Variants in KHDRBS2 observed in about 807,000 individuals in gnomAD.
KHDRBS2 encodes the protein KH domain-containing, RNA-binding, signal transduction-associated protein 2.
Under a neutral mutation model 44.3 loss-of-function variants are expected in KHDRBS2, and 26 were observed. That is an observed-to-expected ratio of 0.59 (90% CI 0.43 to 0.81). The LOEUF (loss-of-function observed/expected upper bound fraction) is 0.81. Ranked by LOEUF, KHDRBS2 falls within the 40% of genes least tolerant of loss-of-function variation. The pLI is 0.00. For missense variants in KHDRBS2, 476 were observed against 433.1 expected, an observed-to-expected ratio of 1.10 and a Z score of -0.88; for synonymous variants, 194 against 151.1, an observed-to-expected ratio of 1.28 and a Z score of -2.08.
At chr6:61,981,735 A>C (rs1419405026) in intron 3 of KHDRBS2, among the ~76,000 whole-genome samples, 5 of 152,202 alleles carry the variant, frequency 3.3e-5, no homozygotes, top group African/African-American at 1.2e-4. Flanking sequence ...CTAAGGATTC[A>C]TGTTCTCTCA....
At chr6:61,705,372 T>TA (rs1322346254) in intron 7 of KHDRBS2, among the ~76,000 whole-genome samples, 2 of 151,730 alleles carry the variant, frequency 1.3e-5, no homozygotes, top group African/African-American at 2.4e-5. Context: ...AAAATAACCA[T>TA]AAAAAATATA....
intron 4 of KHDRBS2, among the ~76,000 whole-genome samples, chr6:61,941,201 G>A (rs1199991379): frequency 6.6e-6 from 1 of 152,170 alleles, no homozygotes; most frequent in African/African-American, 2.4e-5. Context: ...AGGGGGACCT[G>A]AGGTTGGGCA....
At chr6:62,161,853 C>T (rs971381765) in intron 2 of KHDRBS2, among the ~76,000 whole-genome samples, 1 of 151,956 alleles carries the variant, frequency 6.6e-6, no homozygotes, top group Non-Finnish European at 1.5e-5. Flanking sequence ...AATTATAACA[C>T]TCTAATTTGA....
the KHDRBS2 span, among the ~76,000 whole-genome samples, chr6:61,636,906 T>C: frequency 6.6e-6 from 1 of 152,044 alleles, no homozygotes; most frequent in Non-Finnish European, 1.5e-5. Context: ...GGTATATGCA[T>C]GGGCACTCAA....
intron 8 of KHDRBS2, among the ~76,000 whole-genome samples, chr6:61,691,998 C>G (rs1767430999): frequency 6.6e-6 from 1 of 152,102 alleles, no homozygotes; most frequent in Non-Finnish European, 1.5e-5. Context: ...ATAATTAACT[C>G]TTTAGCTCAT....
chr6:61,571,853 C>A, the KHDRBS2 span, among the ~76,000 whole-genome samples: 1 of 151,984 alleles, frequency 6.6e-6, no homozygotes, highest in Non-Finnish European at 1.5e-5. Flanking sequence ...ATATTACATT[C>A]TTACATCAAA....
intron 2 of KHDRBS2, among the ~76,000 whole-genome samples, chr6:62,074,077 C>T (rs1795852913): frequency 6.6e-6 from 1 of 151,742 alleles, no homozygotes. Context: ...CATTTAGGAG[C>T]CATCAGAGCA....
chr6:61,966,058 T>C (rs1322710909), intron 4 of KHDRBS2, among the ~76,000 whole-genome samples: 1 of 152,030 alleles, frequency 6.6e-6, no homozygotes, highest in Non-Finnish European at 1.5e-5. Context: ...CCAACTGTTA[T>C]GATTGATATC....
chr6:62,264,522 T>G (rs1357916337), intron 1 of KHDRBS2, among the ~76,000 whole-genome samples: 1 of 151,782 alleles, frequency 6.6e-6, no homozygotes, highest in Non-Finnish European at 1.5e-5. Context: ...AGAGCATGGG[T>G]TGGCTATTTT....
chr6:62,136,443 C>T (rs1204540), intron 2 of KHDRBS2, among the ~76,000 whole-genome samples: 26,228 of 152,004 alleles, frequency 0.17, 2,584 homozygotes, highest in African/African-American at 0.27. Flanking sequence ...ATGAAAAATG[C>T]GTTATAGCTA....
the KHDRBS2 span, among the ~76,000 whole-genome samples, chr6:61,604,441 A>G: frequency 1.3e-5 from 2 of 152,048 alleles, no homozygotes; most frequent in South Asian, 2.1e-4. Flanking sequence ...CCACCTATCA[A>G]TCTCTTCCCA....
At chr6:61,567,697 C>G in the KHDRBS2 span, among the ~76,000 whole-genome samples, 7 of 108,910 alleles carry the variant, frequency 6.4e-5, no homozygotes, top group Non-Finnish European at 1.4e-4. Flanking sequence ...CTCCTTTCCC[C>G]TTTCTTCTTC....
rs139173402 is a variant in KHDRBS2, at chr6:61,980,454, A to C, written c.337-2242T>G. ...AATGTTAGTGGGAAATAACTCTTAT[A>C]TTGCATTGATATGAAAAATTGTAGA... On this transcript the variant is annotated intron_variant, in intron 3 of 8. Transcript: ENST00000281156. 1.9e-3 allele frequency among the ~76,000 whole-genome samples: 285 copies of C among 152,284 alleles called. 1 individual carries two copies. Among genetic ancestry groups the C allele is most frequent in the African/African-American group, 6.3e-3 (263 of 41,566 alleles).
At chr6:61,613,649 T>C in the KHDRBS2 span, among the ~76,000 whole-genome samples, 1 of 152,198 alleles carries the variant, frequency 6.6e-6, no homozygotes, top group Non-Finnish European at 1.5e-5. Context: ...TCTCAGTGAT[T>C]TTTTAGTGTA....
At chr6:62,200,928 C>G in intron 1 of KHDRBS2, among the ~76,000 whole-genome samples, 1 of 152,128 alleles carries the variant, frequency 6.6e-6, no homozygotes, top group Non-Finnish European at 1.5e-5. Flanking sequence ...AGTTCATGTT[C>G]TTTGTAGGGG....
intron 6 of KHDRBS2, among the ~76,000 whole-genome samples, chr6:61,756,029 T>C (rs979267497): frequency 6.6e-6 from 1 of 151,564 alleles, no homozygotes; most frequent in African/African-American, 2.4e-5. Flanking sequence ...TTGGTAAGAG[T>C]GACATATAAT....
Position 62,150,839 on chromosome 6 carries a change from A to G in KHDRBS2, c.219+26346T>C, listed in dbSNP as rs1490520455. 4.6e-5 allele frequency among the ~76,000 whole-genome samples: 7 copies of G among 152,214 alleles called. No homozygotes were observed. In the East Asian group the frequency reaches 1.3e-3, roughly 29 times the overall value. On this transcript the variant is annotated intron_variant, in intron 2 of 8. Transcript: ENST00000281156. ...AAAGGAGACATCAAATCAATGTGTT[A>G]ACAATTTTAATTTATACTTCTGTAA...
intron 4 of KHDRBS2, among the ~76,000 whole-genome samples, chr6:61,966,147 A>G (rs1471968881): frequency 6.6e-6 from 1 of 152,040 alleles, no homozygotes; most frequent in Admixed American, 6.6e-5. Context: ...GCTTAAAATG[A>G]AATCTGAAAA....
chr6:61,881,041 A>G (rs1031355345), intron 6 of KHDRBS2, among the ~76,000 whole-genome samples: 5 of 151,926 alleles, frequency 3.3e-5, no homozygotes, highest in Non-Finnish European at 5.9e-5. Context: ...AGGAGGAAAG[A>G]TAAGAGGAGA....
Sources: allele counts gnomAD v4.1 joint callset (sites outside exome capture counted in the v4.1 genomes callset), GRCh38; gene constraint gnomAD v4.1.1; transcripts MANE v1.5; gene names NCBI Gene and HGNC (gene_info 2026-07-23, HGNC 2026-07-21).